The following SNAP47 variants were observed in gnomAD, a reference collection of about 807,000 sequenced individuals.
SNAP47 encodes synaptosome associated protein 47, also known as synaptosomal-associated protein 47.
Under a neutral mutation model 31.4 loss-of-function variants are expected in SNAP47, and 20 were observed. That is an observed-to-expected ratio of 0.64 (90% CI 0.45 to 0.93). SNAP47 has a LOEUF of 0.93. Among genes scored for constraint, SNAP47 ranks in the 40% least tolerant of loss-of-function variants. SNAP47 has a pLI of 0.00. For synonymous variants in SNAP47, 194 were observed against 213.4 expected (o/e 0.91, Z 0.79); for missense variants, 492 against 528.5 (o/e 0.93, Z 0.68).
chr1:227,728,273 C>T (rs536730582), upstream of SNAP47, among the ~76,000 whole-genome samples: 1 of 152,166 alleles, frequency 6.6e-6, no homozygotes, highest in Admixed American at 6.5e-5. Flanking sequence ...TCCCGCTGCC[C>T]GGAACACAAG....
At chr1:227,765,649 G>A (rs2102971710) in intron 3 of SNAP47, among the ~76,000 whole-genome samples, 1 of 152,338 alleles carries the variant, frequency 6.6e-6, no homozygotes, top group African/African-American at 2.4e-5. Flanking sequence ...AGTGGGATAG[G>A]AAAACAGCCC....
Position 227,759,060 on chromosome 1 carries a change from C to A in SNAP47, c.563C>A (p.Pro188Gln), listed in dbSNP as rs767809987. Residue 188 changes from proline to glutamine, a missense_variant, in exon 3 of 5, where the codon CCG becomes CAG. Coordinates refer to ENST00000617596, the MANE Select transcript of SNAP47 (RefSeq NM_053052.4). ...PFSSKLWKTP[P>Q]ETKPREDVSM... ...AGCTCCAAGCTTTGGAAGACACCACCGGAAACAAAGCCCAGGGAAGATGTC... is the reference window on the plus strand; with the variant it reads ...AGCTCCAAGCTTTGGAAGACACCACAGGAAACAAAGCCCAGGGAAGATGTC... The A allele has an allele frequency of 1.9e-6, 3 of 1,614,006 alleles. No individual in the cohort carries two copies. Among genetic ancestry groups the A allele is most frequent in the South Asian group, 1.1e-5 (1 of 91,006 alleles).
At chr1:227,754,482 G>A (rs1283547226) in intron 2 of SNAP47, among the ~76,000 whole-genome samples, 1 of 152,142 alleles carries the variant, frequency 6.6e-6, no homozygotes, top group Admixed American at 6.5e-5. Flanking sequence ...CAGGGACCAC[G>A]CCCTCCTCTA....
In SNAP47 at chr1:227,741,438, C is replaced by A. The variant is rs969814536; in HGVS notation, c.-46+5939C>A. ...GGCCCCTTGGCTCATGGGCCAGGTCCAGCTACCACATTTTTGTAAGTGAGG... is the reference window on the plus strand; with the variant it reads ...GGCCCCTTGGCTCATGGGCCAGGTCAAGCTACCACATTTTTGTAAGTGAGG... On this transcript the variant is annotated intron_variant, in intron 1 of 4. Transcript: ENST00000617596. This position sits in a 1 kb window ranked among gnomAD's most constrained non-coding sequence, Gnocchi z 4.2. 1.3e-5 allele frequency among the ~76,000 whole-genome samples: 2 copies of A among 152,150 alleles called. No individual in the cohort carries two copies. The highest frequency in any genetic ancestry group is 2.9e-5 in the Non-Finnish European group (2 of 68,012).
chr1:227,735,619 G>C (rs1571973352), intron 1 of SNAP47, 120 bp downstream of exon 1: 3 of 1,326,368 alleles, frequency 2.3e-6, no homozygotes, highest in East Asian at 6.2e-5. Flanking sequence ...CATCCCCGGG[G>C]GGTGGGGGGT....
At position 227,747,961 on chromosome 1, in the gene SNAP47, T is replaced by C. The variant is rs1276138312; in HGVS notation, c.225T>C (p.His75=). 1 of 1,614,116 alleles carries C rather than the reference T, an allele frequency of 6.2e-7. No individual in the cohort carries two copies. The highest frequency in any genetic ancestry group is 8.5e-7 in the Non-Finnish European group (1 of 1,180,050). ...CCATCACCATCCTGGAGAAGGGCCA[T>C]GCCAAGCACTGGTTCAGCTCCCTGC... ...FSSITILEKG[H]AKHWFSSLRP... is the part of the protein sequence containing the mutation. Residue 75 remains histidine (H), a synonymous_variant, in exon 2 of 5, where the codon CAT becomes CAC. Coordinates refer to ENST00000617596, the MANE Select transcript of SNAP47 (RefSeq NM_053052.4).
In SNAP47 at chr1:227,759,247, T is replaced by A. The variant is rs773527893; in HGVS notation, c.750T>A (p.Phe250Leu). Residue 250 changes from phenylalanine to leucine, a missense_variant, in exon 3 of 5, where the codon TTT (phenylalanine) becomes TTA (leucine). Physicochemically the swap from Phe to Leu is conservative, Grantham distance 22. Coordinates refer to ENST00000617596, the MANE Select transcript of SNAP47 (RefSeq NM_053052.4). ...CCAGTTCTTTGCTCATGCACAGGTT[T>A]GAAAGAGAAGACGTGGACGACATCA... is the stretch of plus-strand genomic sequence containing the variant. ...HDSSSLLMHR[F>L]EREDVDDIKV... 6.2e-7 allele frequency: 1 copy of A among 1,614,206 alleles called. No homozygotes were observed. Among genetic ancestry groups the A allele is most frequent in the Admixed American group, 1.7e-5 (1 of 60,026 alleles).
At chr1:227,738,450 C>T (rs1661379942) in intron 1 of SNAP47, among the ~76,000 whole-genome samples, 1 of 152,162 alleles carries the variant, frequency 6.6e-6, no homozygotes. Context: ...TCCCCCCAGT[C>T]CTTGCCTATA....
chr1:227,771,596 C>T (rs77547512), intron 4 of SNAP47, among the ~76,000 whole-genome samples: 3,965 of 152,200 alleles, frequency 0.026, 58 homozygotes, highest in Middle Eastern at 0.037. Flanking sequence ...AACCTGTATG[C>T]TCTTTGGCTA....
At chr1:227,780,160 C>T (rs1446510988) in intron 4 of SNAP47, among the ~76,000 whole-genome samples, 12 of 152,128 alleles carry the variant, frequency 7.9e-5, no homozygotes, top group Admixed American at 7.9e-4. Context: ...TGCCCAGGTC[C>T]CCAGCTGCCC....
At chr1:227,732,449 C>T, upstream of SNAP47, 1 of 1,613,288 alleles carries the variant, frequency 6.2e-7, no homozygotes, top group Non-Finnish European at 8.5e-7. Context: ...GCTCTTTGGG[C>T]TGTGGTGAGA....
intron 4 of SNAP47, among the ~76,000 whole-genome samples, chr1:227,772,169 G>T (rs545548327): frequency 8.5e-5 from 13 of 152,226 alleles, no homozygotes; most frequent in Non-Finnish European, 1.9e-4. Context: ...TGTTATAGCA[G>T]TGGGGAGTTT....
Position 227,747,560 on chromosome 1 carries a change from G to T in SNAP47, c.-45-132G>T, listed in dbSNP as rs758484628. 9.2e-6 allele frequency: 8 copies of T among 870,852 alleles called. No individual in the cohort carries two copies. The South Asian group carries it at 1.2e-4, about 13-fold the overall frequency. The allele number at this position is 870,852 out of a possible 1,614,324, so 53.9% of individuals were successfully genotyped here. A position where few individuals can be genotyped will look rare whatever the true frequency, so the allele number is the denominator to read the frequency against. On this transcript the variant is annotated intron_variant, in intron 1 of 4. Transcript: ENST00000617596. ...CATGGGCTTCGTCATGCAGCCACAGGTGGATCGAGAGTCAGCCACGTGCTG... is the reference window on the plus strand; with the variant it reads ...CATGGGCTTCGTCATGCAGCCACAGTTGGATCGAGAGTCAGCCACGTGCTG...
chr1:227,759,926 C>G (rs1662955202), intron 3 of SNAP47, among the ~76,000 whole-genome samples: 1 of 152,148 alleles, frequency 6.6e-6, no homozygotes, highest in African/African-American at 2.4e-5. Flanking sequence ...CATTAGTTCC[C>G]AAGAGTGGGT....
chr1:227,736,198 G>A (rs1351258806), intron 1 of SNAP47: 1 of 152,498 alleles, frequency 6.6e-6, no homozygotes, highest in African/African-American at 2.4e-5. Context: ...GGGGCCCACA[G>A]GGGACCTGGA....
At chr1:227,735,220 G>A (rs764942916), upstream of SNAP47, 3 of 1,593,066 alleles carry the variant, frequency 1.9e-6, no homozygotes, top group East Asian at 4.6e-5. Context: ...CGGGGACATC[G>A]ACCCCCAGGC....
chr1:227,742,241 TCA>T lies in SNAP47; in HGVS notation c.-45-5450_-45-5449del, dbSNP rs1558191287. Among the ~76,000 whole-genome samples, 9 of 152,180 alleles carry T rather than the reference TCA, an allele frequency of 5.9e-5. No homozygotes were observed. The East Asian group carries it at 1.5e-3, about 26-fold the overall frequency. ...TTCTCCTTCCTGTGTCCATGTGTTCTCATTGTTCAATTAGACGGAATTTCACT... is the reference window on the plus strand; with the variant it reads ...TTCTCCTTCCTGTGTCCATGTGTTCTTTGTTCAATTAGACGGAATTTCACT... On this transcript the variant is annotated intron_variant, in intron 1 of 4. Transcript: ENST00000617596.
chr1:227,733,817 C>G (rs1660848438), upstream of SNAP47: 8 of 1,589,588 alleles, frequency 5.0e-6, no homozygotes, highest in Non-Finnish European at 6.8e-6. Flanking sequence ...GAGGCCTGTG[C>G]CAAGCAGCCC....
chr1:227,744,356 T>C (rs370829585), intron 1 of SNAP47, among the ~76,000 whole-genome samples: 3 of 152,156 alleles, frequency 2.0e-5, no homozygotes, highest in African/African-American at 7.2e-5. Context: ...CATGTATGCA[T>C]GTCTGGGAAA....
Sources: gnomAD v4.1 joint callset for allele counts (sites outside exome capture counted in the v4.1 genomes callset) on GRCh38, gnomAD v4.1.1 for gene constraint, Gnocchi (gnomAD v3.1) non-coding constraint, MANE v1.5 for transcripts, NCBI Gene and HGNC (gene_info 2026-07-23, HGNC 2026-07-21) for gene names.